The following DAB1 variants were observed in gnomAD, a reference collection of about 807,000 sequenced individuals.
DAB1 encodes disabled homolog 1.
DAB1 carries 15 observed loss-of-function variants against 64.6 expected under a neutral mutation model. The observed-to-expected ratio is 0.23, with a 90% confidence interval of 0.16 to 0.36. DAB1 has a LOEUF of 0.36. Ranked by LOEUF, DAB1 falls within the 10% of genes least tolerant of loss-of-function variation. The pLI is 1.00. For missense variants in DAB1, 596 were observed against 706.7 expected (o/e 0.84, Z 1.78); for synonymous variants, 235 against 251.9 (o/e 0.93, Z 0.64).
intron 1 of DAB1, chr1:57,862,533 T>G (rs1654099383): frequency 6.6e-6 from 1 of 152,202 alleles, no homozygotes; most frequent in Non-Finnish European, 1.5e-5. Context: ...AGGCACAGGC[T>G]GGAAGAAAAT....
intron 3 of DAB1, among the ~76,000 whole-genome samples, chr1:58,350,547 G>C (rs1190212379): frequency 1.3e-5 from 2 of 152,140 alleles, no homozygotes; most frequent in African/African-American, 4.8e-5. Flanking sequence ...TCTATGTTCT[G>C]AATGGTATTG....
At chr1:57,121,721 G>C (rs1482192039) in intron 4 of DAB1, among the ~76,000 whole-genome samples, 1 of 151,874 alleles carries the variant, frequency 6.6e-6, no homozygotes, top group Non-Finnish European at 1.5e-5. Context: ...AATCCATCTT[G>C]AGTTAATTTT....
intron 2 of DAB1, among the ~76,000 whole-genome samples, chr1:57,254,317 G>A (rs1444807771): frequency 1.3e-5 from 2 of 152,212 alleles, no homozygotes; most frequent in Non-Finnish European, 2.9e-5. Flanking sequence ...AGTGTCACCA[G>A]GGTTACTGAA....
chr1:57,059,813 G>T (rs183780395), intron 9 of DAB1, among the ~76,000 whole-genome samples: 2 of 152,160 alleles, frequency 1.3e-5, no homozygotes, highest in African/African-American at 4.8e-5. Context: ...AGGAAGAGGA[G>T]CTCAGATTCC....
intron 1 of DAB1, among the ~76,000 whole-genome samples, chr1:58,540,450 A>G (rs1308441303): frequency 6.6e-6 from 1 of 152,064 alleles, no homozygotes; most frequent in Non-Finnish European, 1.5e-5. Flanking sequence ...AAATAACAGC[A>G]TTAGTAGATA....
chr1:58,414,722 G>A (rs1290544098), intron 3 of DAB1, among the ~76,000 whole-genome samples: 5 of 151,836 alleles, frequency 3.3e-5, no homozygotes, highest in Non-Finnish European at 5.9e-5. Context: ...TCGGGGGTGA[G>A]CAGAGAAGTG....
At chr1:57,391,812 C>CACAG (rs1553176656) in intron 1 of DAB1, among the ~76,000 whole-genome samples, 253 of 141,796 alleles carry the variant, frequency 1.8e-3, no homozygotes, top group East Asian at 0.012. Flanking sequence ...CACACACACA[C>CACAG]AGAGAGAGGA....
chr1:57,513,796 T>A (rs1644432432), intron 7 of DAB1, among the ~76,000 whole-genome samples: 4 of 152,206 alleles, frequency 2.6e-5, no homozygotes. Context: ...TTATTACTCC[T>A]GTTTTGCTGA....
intron 5 of DAB1, among the ~76,000 whole-genome samples, chr1:57,957,985 G>A (rs557377663): frequency 2.1e-3 from 313 of 151,840 alleles, no homozygotes; most frequent in African/African-American, 7.1e-3. Flanking sequence ...GTTCCAGGAT[G>A]ATGTGCTTTT....
At chr1:58,118,867 C>T (rs985005926) in intron 5 of DAB1, among the ~76,000 whole-genome samples, 1 of 151,808 alleles carries the variant, frequency 6.6e-6, no homozygotes, top group Admixed American at 6.6e-5. Context: ...ATAACCACTA[C>T]ACAATACAGC....
At chr1:57,191,025 C>T (rs1664075907) in intron 2 of DAB1, among the ~76,000 whole-genome samples, 1 of 152,158 alleles carries the variant, frequency 6.6e-6, no homozygotes, top group South Asian at 2.1e-4. Flanking sequence ...CTATTAATGT[C>T]AGCTATACTG....
intron 3 of DAB1, among the ~76,000 whole-genome samples, chr1:58,496,015 T>G (rs1425237837): frequency 1.3e-5 from 2 of 152,184 alleles, no homozygotes; most frequent in Non-Finnish European, 2.9e-5. Context: ...GGGAATCTCC[T>G]AAAAACCCAT....
chr1:58,136,796 G>T (rs566102017), intron 5 of DAB1, among the ~76,000 whole-genome samples: 11 of 152,292 alleles, frequency 7.2e-5, no homozygotes, highest in Non-Finnish European at 1.5e-4. Flanking sequence ...TCATTGTGAG[G>T]TATTCAGTGA....
intron 5 of DAB1, among the ~76,000 whole-genome samples, chr1:58,000,030 G>A (rs1646482840): frequency 6.6e-6 from 1 of 151,594 alleles, no homozygotes; most frequent in Admixed American, 6.6e-5. Context: ...GGGAGAAAGG[G>A]AGGGAGGAAA....
At chr1:57,298,217 C>T (rs1472900810) in intron 1 of DAB1, among the ~76,000 whole-genome samples, 1 of 151,926 alleles carries the variant, frequency 6.6e-6, no homozygotes, top group Non-Finnish European at 1.5e-5. Flanking sequence ...TATTTGATTT[C>T]TTTAGGGTCA....
At chr1:57,758,650 T>G (rs1383004497) in intron 6 of DAB1, among the ~76,000 whole-genome samples, 1 of 152,198 alleles carries the variant, frequency 6.6e-6, no homozygotes, top group Non-Finnish European at 1.5e-5. Context: ...TATTTTTTCA[T>G]ATTTCAAGGC....
chr1:57,600,984 TG>T (rs1208669575), intron 7 of DAB1, among the ~76,000 whole-genome samples: 10 of 152,182 alleles, frequency 6.6e-5, no homozygotes, highest in Admixed American at 4.6e-4. Context: ...TTTCTTACAG[TG>T]GACATTTAAT....
rs568266841 is a variant in DAB1 at position 57,790,000 on chromosome 1, T to C, written n.551+93999A>G. ...ACCTTCCCCGGTCAGCATTTGGATA[T>C]ATGGCTAACAGGAGGCACCAACGGA... is the stretch of plus-strand genomic sequence containing the variant. On this transcript the variant is annotated intron_variant and non_coding_transcript_variant, in intron 6 of 20. Coordinates refer to the DAB1 transcript ENST00000485760. 2.0e-5 allele frequency among the ~76,000 whole-genome samples: 3 copies of C among 152,258 alleles called. No homozygotes were observed. In the South Asian group the frequency reaches 6.2e-4, roughly 32 times the overall value.
chr1:57,323,793 G>C (rs1205695543), intron 1 of DAB1, among the ~76,000 whole-genome samples: 3 of 152,016 alleles, frequency 2.0e-5, no homozygotes, highest in African/African-American at 7.2e-5. Context: ...TATTTACCAG[G>C]ATTTTGAAAA....
Sources: gnomAD v4.1 joint callset for allele counts (sites outside exome capture counted in the v4.1 genomes callset) on GRCh38, gnomAD v4.1.1 for gene constraint, MANE v1.5 for transcripts, NCBI Gene and HGNC (gene_info 2026-07-23, HGNC 2026-07-21) for gene names.